CCDC171: variants seen among roughly 807,000 people sequenced by gnomAD.
CCDC171 encodes the protein coiled-coil domain-containing protein 171.
CCDC171 carries 177 observed loss-of-function variants against 168.2 expected under a neutral mutation model. The ratio of observed to expected loss-of-function variants is 1.05; its 90% CI spans 0.93 to 1.19. CCDC171 has a LOEUF of 1.19. Among genes scored for constraint, CCDC171 ranks in the 50% most tolerant of loss-of-function variants. CCDC171 has a pLI of 0.00. For synonymous variants in CCDC171, 687 were observed against 540.8 expected (o/e 1.27, Z -3.75); for missense variants, 1,991 against 1,539.0 (o/e 1.29, Z -4.91).
chr9:15,620,563 A>G (rs2044424846), intron 6 of CCDC171, among the ~76,000 whole-genome samples: 1 of 152,360 alleles, frequency 6.6e-6, no homozygotes, highest in South Asian at 2.1e-4. Context: ...ATAGATGACC[A>G]AAGAAAATAG....
intron 6 of CCDC171, among the ~76,000 whole-genome samples, chr9:15,619,521 G>A (rs1471632159): frequency 6.6e-6 from 1 of 152,198 alleles, no homozygotes; most frequent in Non-Finnish European, 1.5e-5. Flanking sequence ...ATTTGATGAA[G>A]GCTGAGAGAG....
intron 25 of CCDC171, among the ~76,000 whole-genome samples, chr9:15,951,909 C>G (rs553182048): frequency 3.1e-4 from 47 of 152,154 alleles, no homozygotes; most frequent in African/African-American, 1.1e-3. Flanking sequence ...TTGCCTGTGC[C>G]TGTTGTGTCA....
At chr9:15,919,882 A>C (rs1401604741) in intron 24 of CCDC171, among the ~76,000 whole-genome samples, 1 of 151,644 alleles carries the variant, frequency 6.6e-6, no homozygotes, top group South Asian at 2.1e-4. Flanking sequence ...AACTCAGCTT[A>C]TTTTGAAATA....
At chr9:15,569,763 C>G (rs1281898899) in intron 2 of CCDC171, among the ~76,000 whole-genome samples, 1 of 150,390 alleles carries the variant, frequency 6.6e-6, no homozygotes, top group Non-Finnish European at 1.5e-5. Flanking sequence ...TGCAGTGAGC[C>G]GAGATCGTGC....
At chr9:16,080,478 T>C in the CCDC171 span, among the ~76,000 whole-genome samples, 2 of 152,348 alleles carry the variant, frequency 1.3e-5, no homozygotes, top group African/African-American at 4.8e-5. Flanking sequence ...CTCTAAAATA[T>C]TGAATCATGC....
intron 10 of CCDC171, among the ~76,000 whole-genome samples, chr9:15,690,150 G>A (rs2050687650): frequency 6.6e-6 from 1 of 152,154 alleles, no homozygotes; most frequent in Non-Finnish European, 1.5e-5. Flanking sequence ...AGTGGGTGTG[G>A]CACATCTTTT....
At chr9:15,852,491 T>C (rs1474072375) in intron 23 of CCDC171, among the ~76,000 whole-genome samples, 1 of 151,696 alleles carries the variant, frequency 6.6e-6, no homozygotes, top group Non-Finnish European at 1.5e-5. Context: ...AATCTTATTA[T>C]ATATATGAAT....
chr9:15,767,821 T>TCCCC (rs74194844), intron 18 of CCDC171, among the ~76,000 whole-genome samples: 1 of 2,772 alleles, frequency 3.6e-4, no homozygotes, highest in Non-Finnish European at 6.4e-4. Context: ...TTCTTTTCTT[T>TCCCC]TCTTTCCCTC....
intron 18 of CCDC171, among the ~76,000 whole-genome samples, chr9:15,766,500 G>T (rs2056731344): frequency 6.6e-6 from 1 of 151,866 alleles, no homozygotes; most frequent in South Asian, 2.1e-4. Context: ...TTAAGTAGCA[G>T]AAGGGCAATG....
intron 3 of CCDC171, among the ~76,000 whole-genome samples, chr9:16,003,094 T>G (rs1053846494): frequency 3.3e-5 from 5 of 152,192 alleles, no homozygotes; most frequent in African/African-American, 1.2e-4. Context: ...TGATAACCCC[T>G]TACACAATTT....
chr9:15,569,741 G>A (rs1202217142), intron 2 of CCDC171, among the ~76,000 whole-genome samples: 1 of 151,616 alleles, frequency 6.6e-6, no homozygotes, highest in Non-Finnish European at 1.5e-5. Context: ...CGTGAACCCG[G>A]GAGGCGGAGC....
intron 21 of CCDC171, among the ~76,000 whole-genome samples, chr9:15,833,744 C>G (rs1032684464): frequency 6.6e-6 from 1 of 152,118 alleles, no homozygotes; most frequent in South Asian, 2.1e-4. Flanking sequence ...GGATTTATTT[C>G]CTTGCCACTT....
chr9:15,978,552 A>G (rs560794292), downstream of CCDC171, among the ~76,000 whole-genome samples: 2 of 152,322 alleles, frequency 1.3e-5, no homozygotes, highest in Admixed American at 1.3e-4. Context: ...AGGAAGTCCA[A>G]CGTTGATTTT....
At chr9:16,091,782 G>A in the CCDC171 span, among the ~76,000 whole-genome samples, 4 of 152,210 alleles carry the variant, frequency 2.6e-5, no homozygotes, top group African/African-American at 9.6e-5. Context: ...TCTTTTAGGT[G>A]TCAGAGGAAT....
chr9:16,002,435 A>G (rs540798710), intron 3 of CCDC171, among the ~76,000 whole-genome samples: 2 of 152,218 alleles, frequency 1.3e-5, no homozygotes, highest in Non-Finnish European at 2.9e-5. Flanking sequence ...AAATTTAAAA[A>G]TAGAAAAAAA....
chr9:15,989,370 A>G lies in CCDC171; in HGVS notation n.369-31219A>G, dbSNP rs551172793. On this transcript the variant is annotated intron_variant and non_coding_transcript_variant, in intron 3 of 9. Coordinates refer to the CCDC171 transcript ENST00000486641. ...AACAGACCTGCAGCTGAGGGTCCTG[A>G]CTGTTAGAAGGAAAACTAACAAACA... Among the ~76,000 whole-genome samples, 8 of 152,318 alleles carry G rather than the reference A, an allele frequency of 5.3e-5. No individual in the cohort carries two copies. The South Asian group carries it at 8.3e-4, about 16-fold the overall frequency.
intron 3 of CCDC171, among the ~76,000 whole-genome samples, chr9:16,019,354 G>A (rs1470136498): frequency 6.6e-6 from 1 of 152,310 alleles, no homozygotes; most frequent in Middle Eastern, 3.4e-3. Flanking sequence ...AAAGTAAATT[G>A]TATGACCTCT....
intron 18 of CCDC171, among the ~76,000 whole-genome samples, chr9:15,767,629 T>G (rs778372504): frequency 6.6e-6 from 1 of 151,796 alleles, no homozygotes; most frequent in South Asian, 2.1e-4. Flanking sequence ...TAAAAAAAAT[T>G]ACAGAGTACA....
intron 20 of CCDC171, among the ~76,000 whole-genome samples, chr9:15,783,333 T>A (rs796568662): frequency 5.1e-4 from 78 of 152,316 alleles, no homozygotes; most frequent in African/African-American, 1.6e-3. Flanking sequence ...AAAGACAAAG[T>A]CTGTATTCAG....
Sources: gnomAD v4.1 joint callset for allele counts (sites outside exome capture counted in the v4.1 genomes callset) on GRCh38, gnomAD v4.1.1 for gene constraint, MANE v1.5 for transcripts, NCBI Gene and HGNC (gene_info 2026-07-23, HGNC 2026-07-21) for gene names.